The following OCA2 variants were observed in gnomAD, a reference collection of about 807,000 sequenced individuals.
The protein encoded by OCA2 is P protein.
OCA2 carries 77 observed loss-of-function variants against 100.2 expected under a neutral mutation model. That is an observed-to-expected ratio of 0.77 (90% CI 0.64 to 0.93). The LOEUF (loss-of-function observed/expected upper bound fraction) is 0.93, where lower values mean the gene tolerates loss of function less well. Among genes scored for constraint, OCA2 ranks in the 40% least tolerant of loss-of-function variants. The pLI is 0.00. For missense variants in OCA2, 1,062 were observed against 1,089.1 expected (o/e 0.98, Z 0.35); for synonymous variants, 432 against 439.2 (o/e 0.98, Z 0.21).
intron 6 of OCA2, among the ~76,000 whole-genome samples, chr15:28,022,222 C>G (rs1201232449): frequency 6.6e-6 from 1 of 152,166 alleles, no homozygotes; most frequent in East Asian, 1.9e-4. Flanking sequence ...AAAGGAGTAT[C>G]GGGGAGCTAG....
chr15:27,897,830 C>G lies in OCA2; in HGVS notation c.2080-25908G>C, dbSNP rs1415122327. ...ACACTCAACCAGCCCGTGAAGGCAG[C>G]GGGGACGGAGGCTGTACCCTGCAGA... On this transcript the variant is annotated intron_variant, in intron 19 of 23. Transcript: ENST00000354638. Among the ~76,000 whole-genome samples, 8 of 152,120 alleles carry G rather than the reference C, an allele frequency of 5.3e-5. No homozygotes were observed. The East Asian group carries it at 1.4e-3, about 26-fold the overall frequency.
chr15:28,051,167 C>T lies in OCA2; in HGVS notation c.228-19004G>A, dbSNP rs555983218. On this transcript the variant is annotated intron_variant, in intron 2 of 23. Coordinates refer to ENST00000354638, the MANE Select transcript of OCA2 (RefSeq NM_000275.3). ...CACACTTAGAGAATGTTGTGGAGGG[C>T]GCTGGCCTCAAAAGGACATCCTGGC... Among the ~76,000 whole-genome samples, 273 of 152,310 alleles carry T rather than the reference C, an allele frequency of 1.8e-3. 1 individual carries two copies. The highest frequency in any genetic ancestry group is 3.4e-3 in the Non-Finnish European group (234 of 68,018).
intron 21 of OCA2, among the ~76,000 whole-genome samples, chr15:27,868,263 A>AT (rs2036403309): frequency 6.6e-6 from 1 of 152,182 alleles, no homozygotes; most frequent in South Asian, 2.1e-4. Context: ...CTGTACTCCC[A>AT]TTTTCACTGT....
intron 14 of OCA2, among the ~76,000 whole-genome samples, chr15:27,978,571 T>C (rs1241669347): frequency 2.6e-5 from 4 of 152,238 alleles, no homozygotes; most frequent in Non-Finnish European, 5.9e-5. Context: ...CTCTGCAGTC[T>C]ACTTTGTCAG....
the OCA2 span, among the ~76,000 whole-genome samples, chr15:27,735,561 T>C: frequency 1.3e-5 from 2 of 152,026 alleles, no homozygotes; most frequent in South Asian, 2.1e-4. Flanking sequence ...CCAGGACATA[T>C]TATAATCAAA....
At chr15:28,097,114 C>T (rs919732772) in intron 1 of OCA2, among the ~76,000 whole-genome samples, 9 of 152,216 alleles carry the variant, frequency 5.9e-5, no homozygotes, top group Admixed American at 4.6e-4. Flanking sequence ...AAACACCGGA[C>T]CTGCTCCCCG....
At chr15:27,907,415 TA>T (rs1463002913) in intron 19 of OCA2, among the ~76,000 whole-genome samples, 1 of 151,936 alleles carries the variant, frequency 6.6e-6, no homozygotes, top group Non-Finnish European at 1.5e-5. Flanking sequence ...AAAACACATT[TA>T]ATAACAACAC....
At chr15:27,977,217 G>A (rs940911119) in intron 14 of OCA2, among the ~76,000 whole-genome samples, 2 of 151,938 alleles carry the variant, frequency 1.3e-5, no homozygotes, top group African/African-American at 4.8e-5. Context: ...ACCAGCTTTT[G>A]CTTTCGTTGA....
Position 27,983,732 on chromosome 15 carries a change from A to ACCCTTTCC in OCA2, c.1365-257_1365-250dup, listed in dbSNP as rs1853104878. On this transcript the variant is annotated intron_variant, in intron 13 of 23. Coordinates refer to ENST00000354638, the MANE Select transcript of OCA2 (RefSeq NM_000275.3). ...CACCAAACCCTCGGTGTGGTCAGGT[A>ACCCTTTCC]CCCTTTCCCCAATGCTCCCAGGTCT... is the stretch of plus-strand genomic sequence containing the variant. Among the ~76,000 whole-genome samples the ACCCTTTCC allele has an allele frequency of 3.3e-5, 5 of 151,792 alleles. No homozygotes were observed. The South Asian group carries it at 1.0e-3, about 32-fold the overall frequency.
intron 2 of OCA2, among the ~76,000 whole-genome samples, chr15:28,060,272 C>G (rs2043831902): frequency 6.6e-6 from 1 of 152,254 alleles, no homozygotes; most frequent in Non-Finnish European, 1.5e-5. Context: ...TGCACGCCCT[C>G]TAGCTGGGGC....
At chr15:27,901,643 C>A (rs1361921583) in intron 19 of OCA2, among the ~76,000 whole-genome samples, 1 of 152,194 alleles carries the variant, frequency 6.6e-6, no homozygotes, top group Non-Finnish European at 1.5e-5. Flanking sequence ...CAAAGATGTT[C>A]CTTACATGAC....
chr15:27,949,814 T>C (rs1480041018), intron 18 of OCA2, among the ~76,000 whole-genome samples: 1 of 152,208 alleles, frequency 6.6e-6, no homozygotes, highest in East Asian at 1.9e-4. Context: ...TTCTTATAAC[T>C]CTAAGGAAAC....
intron 14 of OCA2, among the ~76,000 whole-genome samples, chr15:27,968,050 T>C (rs2040636212): frequency 6.6e-6 from 1 of 152,144 alleles, no homozygotes; most frequent in South Asian, 2.1e-4. Flanking sequence ...GGTTCTGCTC[T>C]TTCGCTGACG....
intron 1 of OCA2, among the ~76,000 whole-genome samples, chr15:28,097,038 G>C (rs2044998558): frequency 6.6e-6 from 1 of 152,188 alleles, no homozygotes; most frequent in Admixed American, 6.5e-5. Flanking sequence ...GCGCTGTGCC[G>C]CTGTAGTTCG....
chr15:27,911,935 A>G (rs1207647169), intron 19 of OCA2, among the ~76,000 whole-genome samples: 1 of 152,240 alleles, frequency 6.6e-6, no homozygotes, highest in Non-Finnish European at 1.5e-5. Flanking sequence ...GACTAAAGAC[A>G]AAAAGAAGTC....
At chr15:28,063,188 G>T (rs1432079650) in intron 2 of OCA2, among the ~76,000 whole-genome samples, 1 of 152,028 alleles carries the variant, frequency 6.6e-6, no homozygotes, top group Admixed American at 6.5e-5. Flanking sequence ...AACAATTTTT[G>T]TCTTAAAGTC....
chr15:27,743,755 G>A, the OCA2 span, among the ~76,000 whole-genome samples: 2,049 of 152,258 alleles, frequency 0.013, 24 homozygotes, highest in South Asian at 0.053. Flanking sequence ...GATAGCACAC[G>A]GCAAATGCAT....
At chr15:27,926,502 C>T (rs1203645387) in intron 18 of OCA2, among the ~76,000 whole-genome samples, 1 of 152,182 alleles carries the variant, frequency 6.6e-6, no homozygotes, top group Non-Finnish European at 1.5e-5. Context: ...CCTCCTCTAG[C>T]TCCTCTTGTC....
intron 2 of OCA2, among the ~76,000 whole-genome samples, chr15:28,042,902 G>C (rs2043246693): frequency 1.3e-5 from 2 of 152,022 alleles, no homozygotes; most frequent in Non-Finnish European, 2.9e-5. Flanking sequence ...ACCAATCCTA[G>C]CAGTGCCCCC....
Sources: gnomAD v4.1 joint callset for allele counts (sites outside exome capture counted in the v4.1 genomes callset) on GRCh38, gnomAD v4.1.1 for gene constraint, MANE v1.5 for transcripts, NCBI Gene and HGNC (gene_info 2026-07-23, HGNC 2026-07-21) for gene names.